The following XRCC1 variants were observed in gnomAD, a reference collection of about 807,000 sequenced individuals.
XRCC1 encodes DNA repair protein XRCC1.
A neutral mutation model predicts 83.3 loss-of-function variants in XRCC1; 52 were observed. That is an observed-to-expected ratio of 0.62 (90% CI 0.50 to 0.79). The LOEUF (loss-of-function observed/expected upper bound fraction) is 0.79. Among genes scored for constraint, XRCC1 ranks in the 30% least tolerant of loss-of-function variants. XRCC1 has a pLI of 0.00. For missense variants in XRCC1, 793 were observed against 823.5 expected (o/e 0.96, Z 0.45); for synonymous variants, 281 against 312.6 (o/e 0.90, Z 1.07).
At chr19:43,548,859 C>T (rs1972548448) in intron 10 of XRCC1, among the ~76,000 whole-genome samples, 1 of 149,882 alleles carries the variant, frequency 6.7e-6, no homozygotes, top group Admixed American at 6.7e-5. Context: ...TACTGAGTCA[C>T]TGAATCCTGG....
In XRCC1 at chr19:43,552,859, T is replaced by C. The variant is rs374247969; in HGVS notation, c.761A>G (p.Glu254Gly). 1.9e-6 allele frequency: 3 copies of C among 1,613,608 alleles called. No individual in the cohort carries two copies. In the African/African-American group the frequency reaches 4.0e-5, roughly 22 times the overall value. The stretch of plus-strand genomic sequence containing the variant: ...TGGTGGTTTGCTGGGGGTCTTCTTT[T>C]CTTCTTGGTTCAAATCCAACTTCCT... Reference protein sequence around the residue: ...GKRKLDLNQEEKKTPSKPPAQ... With the variant: ...GKRKLDLNQEGKKTPSKPPAQ... The change falls in exon 8 of 17, where the codon GAA (glutamate) becomes GGA (glycine). Residue 254 changes from glutamate (E) to glycine (G), a missense_variant. Transcript: ENST00000262887.
rs1568513610 is a variant in XRCC1 at position 43,552,209 on chromosome 19, CCTGTCA to C, written c.884_889del (p.Val295_Thr296del). 6.2e-7 allele frequency: 1 copy of C among 1,613,794 alleles called. No individual in the cohort carries two copies. The highest frequency in any genetic ancestry group is 8.5e-7 in the Non-Finnish European group (1 of 1,179,914). On this transcript the variant is annotated inframe_deletion, in exon 9 of 17. Transcript: ENST00000262887. ...CTCGGTGCCTTCTCCTCGGGGTTTG[CCTGTCA>C]CTGCCCCCTGTGCTCGGGCAGGGAC...
Position 43,574,963 on chromosome 19 carries a change from G to C in XRCC1, c.91C>G (p.Arg31Gly). ...AENLLKADTY[R>G]KWRAAKAGEK... Reference sequence around the variant, plus strand: ...CCTGCCTTGGCTGCCCGCCATTTTCGGTAAGTGTCTGCCTTGAGAAGATTT... The same window carrying C: ...CCTGCCTTGGCTGCCCGCCATTTTCCGTAAGTGTCTGCCTTGAGAAGATTT... Residue 31 changes from arginine to glycine, a missense_variant, in exon 2 of 17, where the codon CGA becomes GGA. Transcript: ENST00000262887. 6.2e-7 allele frequency: 1 copy of C among 1,614,134 alleles called. No homozygotes were observed.
intron 2 of XRCC1, among the ~76,000 whole-genome samples, chr19:43,564,926 G>A (rs1326796829): frequency 2.0e-5 from 3 of 152,172 alleles, no homozygotes; most frequent in African/African-American, 2.4e-5. Context: ...AGAGGAGAAC[G>A]TGTCTCCTTG....
At chr19:43,552,670 C>T (rs1463328446) in intron 8 of XRCC1, 127 bp downstream of exon 8, 4 of 944,312 alleles carry the variant, frequency 4.2e-6, no homozygotes, top group Non-Finnish European at 6.3e-6. Context: ...CCCCTCCTCC[C>T]TCAGACCCAG....
rs774774622 is a variant in XRCC1, at chr19:43,552,096, G to A, written c.1003C>T (p.Arg335Cys). The A allele has an allele frequency of 3.2e-5, 52 of 1,613,924 alleles. No homozygotes were observed. Among genetic ancestry groups the A allele is most frequent in the East Asian group, 4.5e-5 (2 of 44,882 alleles). Reference protein sequence around the residue: ...VVLSGFQNPFRSELRDKALEL... With the variant: ...VVLSGFQNPFCSELRDKALEL... ...AGGGCCTTATCTCGCAGCTCGGAGCGGAAGGGGTTCTGGAAGCCACTCAGC... is the reference window on the plus strand; with the variant it reads ...AGGGCCTTATCTCGCAGCTCGGAGCAGAAGGGGTTCTGGAAGCCACTCAGC... The change falls in exon 9 of 17, where the codon CGC (arginine) becomes TGC (cysteine). Residue 335 changes from arginine to cysteine, a missense_variant. Physicochemically the swap from Arg to Cys is radical, Grantham distance 180. Coordinates refer to ENST00000262887, the MANE Select transcript of XRCC1 (RefSeq NM_006297.3).
In XRCC1 at chr19:43,543,615, C is replaced by T. The variant is rs1173920624; in HGVS notation, c.1785G>A (p.Glu595=). 1 of 1,613,964 alleles carries T rather than the reference C, an allele frequency of 6.2e-7. No homozygotes were observed. The highest frequency in any genetic ancestry group is 2.2e-5 in the East Asian group (1 of 44,862). ...TCTCTGCCTCTTTGGTACTCACCTC[C>T]TCAAAGCTGGGATCCCATTCCTGTG... ...ITAQEWDPSF[E]EALMDNPSLA... is the part of the protein sequence containing the mutation. The change falls in exon 16 of 17, where the codon GAG becomes GAA. Residue 595 remains glutamate (E), a synonymous_variant. Transcript: ENST00000262887.
At chr19:43,560,836 G>C in intron 3 of XRCC1, 74 bp downstream of exon 3, 1 of 1,282,110 alleles carries the variant, frequency 7.8e-7, no homozygotes, top group Non-Finnish European at 1.1e-6. Flanking sequence ...CCCAGCCCCA[G>C]CCCCTGGGGG....
intron 8 of XRCC1, 109 bp downstream of exon 8, chr19:43,552,688 G>A: frequency 2.7e-6 from 3 of 1,110,022 alleles, no homozygotes; most frequent in Non-Finnish European, 3.8e-6. Context: ...CAGGGGTCCA[G>A]GCCCCCAGCC....
intron 2 of XRCC1, among the ~76,000 whole-genome samples, chr19:43,571,589 G>C (rs1303567635): frequency 6.6e-6 from 1 of 152,228 alleles, no homozygotes; most frequent in Non-Finnish European, 1.5e-5. Context: ...CTACAGCCTT[G>C]ATCTTCCAGG....
rs1226363480 is a variant in XRCC1 at position 43,568,613 on chromosome 19, T to C, written c.144+6297A>G. 3.3e-5 allele frequency among the ~76,000 whole-genome samples: 5 copies of C among 150,176 alleles called. No homozygotes were observed. The East Asian group carries it at 7.8e-4, about 23-fold the overall frequency. ...TGAAAAAAAACACACAAGGGAACAG[T>C]GTATATACTATGAATTTTTTAAAAA... On this transcript the variant is annotated intron_variant, in intron 2 of 16. Coordinates refer to ENST00000262887, the MANE Select transcript of XRCC1 (RefSeq NM_006297.3).
intron 3 of XRCC1, among the ~76,000 whole-genome samples, chr19:43,558,797 G>A (rs1972665712): frequency 7.9e-5 from 12 of 151,034 alleles, no homozygotes; most frequent in Admixed American, 7.9e-4. Flanking sequence ...TCTCAACAAG[G>A]AGTCAAAATG....
intron 2 of XRCC1, among the ~76,000 whole-genome samples, chr19:43,563,019 A>T (rs758394193): frequency 6.6e-6 from 1 of 152,232 alleles, no homozygotes; most frequent in African/African-American, 2.4e-5. Context: ...GGCTGGCAAC[A>T]GTCCACGCGT....
chr19:43,557,607 A>C (rs937403632), intron 3 of XRCC1, among the ~76,000 whole-genome samples: 5 of 151,870 alleles, frequency 3.3e-5, no homozygotes, highest in African/African-American at 9.7e-5. Context: ...TCTGGTGACT[A>C]ACATGGGAAA....
At chr19:43,565,597 T>C (rs1047308510) in intron 2 of XRCC1, among the ~76,000 whole-genome samples, 3 of 152,216 alleles carry the variant, frequency 2.0e-5, no homozygotes, top group Admixed American at 6.6e-5. Context: ...TATATAACTA[T>C]TTCTACTTTA....
In XRCC1 at chr19:43,553,640, G is replaced by C. The variant is rs1327027625; in HGVS notation, c.458C>G (p.Pro153Arg). The C allele has an allele frequency of 6.4e-7, 1 of 1,574,564 alleles. No individual in the cohort carries two copies. The highest frequency in any genetic ancestry group is 1.2e-5 in the South Asian group (1 of 86,578). ...CGGGGCCTCTGCCTCATCTTTGTCTGGGGGGCTATGAAACCGTACAAAACT... is the reference window on the plus strand; with the variant it reads ...CGGGGCCTCTGCCTCATCTTTGTCTCGGGGGCTATGAAACCGTACAAAACT... ...GLSFVRFHSP[P>R]DKDEAEAPSQ... The change falls in exon 5 of 17, where the codon CCA becomes CGA. Residue 153 changes from proline to arginine, a missense_variant. Transcript: ENST00000262887.
intron 8 of XRCC1, 71 bp from the exon 9 acceptor site, chr19:43,552,346 C>A (rs963544435): frequency 6.0e-6 from 7 of 1,158,766 alleles, no homozygotes; most frequent in Non-Finnish European, 8.6e-6. Flanking sequence ...TCCCTCAGAC[C>A]CAGCAGTCCA....
rs1395746092 is a variant in XRCC1, at chr19:43,575,449, T to C, written c.10A>G (p.Ile4Val). 1 of 1,611,840 alleles carries C rather than the reference T, an allele frequency of 6.2e-7. No individual in the cohort carries two copies. Among genetic ancestry groups the C allele is most frequent in the African/African-American group, 1.3e-5 (1 of 74,820 alleles). MPE[I>V]RLRHVVSCSS... ...CAGGACACGACATGGCGGAGGCGGA[T>C]CTCCGGCATGTCAACGTCGTGGGCT... The change falls in exon 1 of 17, where the codon ATC (isoleucine) becomes GTC (valine). Residue 4 changes from isoleucine to valine, a missense_variant. Ile to Val is a conservative substitution (Grantham distance 29). Coordinates refer to ENST00000262887, the MANE Select transcript of XRCC1 (RefSeq NM_006297.3).
rs2146042301 is a variant in XRCC1, at chr19:43,546,038, A to C, written c.1481+14T>G. 1 of 1,603,078 alleles carries C rather than the reference A, an allele frequency of 6.2e-7. No individual in the cohort carries two copies. The highest frequency in any genetic ancestry group is 8.5e-7 in the Non-Finnish European group (1 of 1,170,238). ...CAAGGCCAGGGACACCCCAACCCCC[A>C]GCCCCAGCCCTACCTCCTCAGCTCA... On this transcript the variant is annotated intron_variant, in intron 13 of 16. Transcript: ENST00000262887.
Sources: gnomAD v4.1 joint callset for allele counts (sites outside exome capture counted in the v4.1 genomes callset) on GRCh38, gnomAD v4.1.1 for gene constraint, MANE v1.5 for transcripts, NCBI Gene and HGNC (gene_info 2026-07-23, HGNC 2026-07-21) for gene names.